Variants in ANO5 observed in about 807,000 individuals in gnomAD.
The protein encoded by ANO5 is anoctamin 5.
In ANO5, 109 loss-of-function variants were observed where a neutral mutation model predicts 121.0. That is an observed-to-expected ratio of 0.90 (90% confidence interval 0.77 to 1.06). ANO5 has a LOEUF of 1.06. ANO5 is among the 50% of genes least tolerant of loss of function. ANO5 has a pLI of 0.00. For synonymous variants in ANO5, 406 were observed against 359.9 expected (o/e 1.13, Z -1.45); for missense variants, 1,064 against 1,078.5 (o/e 0.99, Z 0.19).
chr11:22,248,193 G>A (rs994777257), intron 9 of ANO5, among the ~76,000 whole-genome samples: 1 of 152,008 alleles, frequency 6.6e-6, no homozygotes, highest in Non-Finnish European at 1.5e-5. Flanking sequence ...CAAAATGAGA[G>A]CAGTCCCCTC....
intron 7 of ANO5, among the ~76,000 whole-genome samples, chr11:22,231,347 T>C (rs1249315856): frequency 6.6e-6 from 1 of 151,922 alleles, no homozygotes; most frequent in Non-Finnish European, 1.5e-5. Context: ...CTTATTAAAT[T>C]TTTTAATTGT....
rs1259475353 is a variant in ANO5 at position 22,277,951 on chromosome 11, G to T, written c.2521-1593G>T. The T allele has an allele frequency of 3.3e-5, 5 of 150,556 alleles. 1 individual carries two copies. Among genetic ancestry groups the T allele is most frequent in the African/African-American group, 1.2e-4 (5 of 40,400 alleles). The allele number at this position is 150,556 out of a possible 1,614,324, so 9.3% of individuals were successfully genotyped here. A position where few individuals can be genotyped will look rare whatever the true frequency, so the allele number is the denominator to read the frequency against. ...AAAATTATGGGCAGTCCATTTTTGA[G>T]AAATTGAAGATTGAAAATTTCTTTT... On this transcript the variant is annotated intron_variant, in intron 21 of 21. Transcript: ENST00000324559.
At chr11:22,217,454 T>C (rs1852483914) in intron 3 of ANO5, among the ~76,000 whole-genome samples, 1 of 151,862 alleles carries the variant, frequency 6.6e-6, no homozygotes, top group East Asian at 1.9e-4. Flanking sequence ...AAAACCTGGG[T>C]AAACTTTCCA....
intron 9 of ANO5, among the ~76,000 whole-genome samples, chr11:22,240,198 G>A (rs1023410493): frequency 7.2e-5 from 11 of 151,970 alleles, no homozygotes; most frequent in African/African-American, 2.7e-4. Context: ...CTCTCAGTGA[G>A]CTGTGAAGAC....
At position 22,250,974 on chromosome 11, in the gene ANO5, G is replaced by A. The variant is rs763781068; in HGVS notation, c.1143G>A (p.Glu381=). The change falls in exon 12 of 22, where the codon GAG becomes GAA. Residue 381 remains glutamate, a synonymous_variant. Coordinates refer to ENST00000324559, the MANE Select transcript of ANO5 (RefSeq NM_213599.3). ...ASKFSHLFDN[E]STVFFAIFMG... is the part of the protein sequence containing the mutation. ...AGTTCTCCCATTTGTTTGATAATGA[G>A]TCAACAGTGTTCTTTGCAATATTCA... The A allele has an allele frequency of 6.2e-7, 1 of 1,612,450 alleles. No homozygotes were observed. The highest frequency in any genetic ancestry group is 8.5e-7 in the Non-Finnish European group (1 of 1,179,428).
intron 3 of ANO5, among the ~76,000 whole-genome samples, chr11:22,212,889 A>C (rs1427511524): frequency 6.6e-6 from 1 of 150,826 alleles, no homozygotes; most frequent in Non-Finnish European, 1.5e-5. Context: ...TTGCCTGTAC[A>C]GAAGTTGCAG....
Position 22,281,267 on chromosome 11 carries a change from TAATA to T in ANO5, c.*1506_*1509del, listed in dbSNP as rs1277746704. ...AAACTAATATTTCATTATCTAATGC[TAATA>T]AATTATTGTGGTACTGCCAGTATTA... On this transcript the variant is annotated 3_prime_UTR_variant, in exon 22 of 22. Coordinates refer to ENST00000324559, the MANE Select transcript of ANO5 (RefSeq NM_213599.3). 2.0e-5 allele frequency: 3 copies of T among 152,190 alleles called. No individual in the cohort carries two copies. Among genetic ancestry groups the T allele is most frequent in the African/African-American group, 7.2e-5 (3 of 41,566 alleles). The allele number at this position is 152,190 out of a possible 1,614,324, so 9.4% of individuals were successfully genotyped here.
intron 1 of ANO5, among the ~76,000 whole-genome samples, chr11:22,201,339 G>A (rs1419315140): frequency 6.6e-6 from 1 of 152,138 alleles, no homozygotes; most frequent in East Asian, 1.9e-4. Context: ...CGGATAAAAA[G>A]ATAGTAATTA....
intron 14 of ANO5, among the ~76,000 whole-genome samples, chr11:22,258,525 T>C (rs1854076888): frequency 6.6e-6 from 1 of 152,226 alleles, no homozygotes; most frequent in East Asian, 1.9e-4. Context: ...TAAAATTCTC[T>C]AATGATTGAT....
At chr11:22,212,192 C>G (rs904076416) in intron 3 of ANO5, among the ~76,000 whole-genome samples, 11 of 151,748 alleles carry the variant, frequency 7.2e-5, no homozygotes, top group Middle Eastern at 3.4e-3. Flanking sequence ...CTTCCTAAAC[C>G]CTTGGAAGGG....
chr11:22,207,051 G>C (rs1413185270), intron 2 of ANO5, among the ~76,000 whole-genome samples: 2 of 151,920 alleles, frequency 1.3e-5, no homozygotes, highest in East Asian at 3.9e-4. Context: ...TCCTAGAACT[G>C]AGTTTAAGAA....
At chr11:22,268,664 C>A (rs1311446500) in intron 17 of ANO5, among the ~76,000 whole-genome samples, 1 of 152,136 alleles carries the variant, frequency 6.6e-6, no homozygotes, top group Non-Finnish European at 1.5e-5. Flanking sequence ...TGTGATCATG[C>A]AAGTGCTTAT....
rs886042751 is a variant in ANO5, at chr11:22,263,005, G to A, written c.1860G>A (p.Gly620=). The A allele has an allele frequency of 1.2e-5, 20 of 1,613,562 alleles. No homozygotes were observed. Among genetic ancestry groups the A allele is most frequent in the Admixed American group, 1.0e-4 (6 of 60,000 alleles). ...CCCAATTGACCATTATAATGACCGG[G>A]AAACAGATTTTTGGAAACATTAAAG... is the stretch of plus-strand genomic sequence containing the variant. The part of the protein sequence containing the change: ...LTTQLTIIMT[G]KQIFGNIKEA... The change falls in exon 17 of 22, where the codon GGG becomes GGA. Residue 620 remains glycine, a synonymous_variant. Coordinates refer to ENST00000324559, the MANE Select transcript of ANO5 (RefSeq NM_213599.3).
At chr11:22,232,365 A>G (rs1046006147) in intron 7 of ANO5, among the ~76,000 whole-genome samples, 4 of 151,930 alleles carry the variant, frequency 2.6e-5, no homozygotes, top group South Asian at 2.1e-4. Flanking sequence ...TCTGTTTTCA[A>G]TTAGATCTTC....
rs1457250169 is a variant in ANO5 at position 22,282,801 on chromosome 11, G to T, written c.*3036G>T. The T allele has an allele frequency of 6.6e-6, 1 of 152,132 alleles. No homozygotes were observed. Among genetic ancestry groups the T allele is most frequent in the Admixed American group, 6.6e-5 (1 of 15,266 alleles). 9.4% of individuals were successfully genotyped at this position (152,132 alleles called of 1,614,324 possible). A position where few individuals can be genotyped will look rare whatever the true frequency, so the allele number is the denominator to read the frequency against. On this transcript the variant is annotated 3_prime_UTR_variant, in exon 22 of 22. Transcript: ENST00000324559. ...GTTGATTGACTCCAGTTGAAGGTGA[G>T]AAATCTGTACCAATCATTCAAAAAG...
chr11:22,199,574 A>G (rs1490338589), intron 1 of ANO5, among the ~76,000 whole-genome samples: 1 of 152,144 alleles, frequency 6.6e-6, no homozygotes, highest in Non-Finnish European at 1.5e-5. Context: ...TCTCATGCTT[A>G]GGAGTCTTCT....
At chr11:22,242,891 T>A (rs970229189) in intron 9 of ANO5, among the ~76,000 whole-genome samples, 5 of 151,836 alleles carry the variant, frequency 3.3e-5, no homozygotes, top group Non-Finnish European at 7.4e-5. Flanking sequence ...ATGCCTTTTA[T>A]TTTTTTTCTC....
At chr11:22,206,811 A>C (rs1402793032) in intron 2 of ANO5, among the ~76,000 whole-genome samples, 1 of 152,154 alleles carries the variant, frequency 6.6e-6, no homozygotes, top group Non-Finnish European at 1.5e-5. Context: ...TTACACTAAC[A>C]GTATATTTAA....
chr11:22,274,544 T>C (rs1349095817), intron 19 of ANO5, 25 bp from the exon 20 acceptor site: 1 of 1,550,362 alleles, frequency 6.5e-7, no homozygotes, highest in Non-Finnish European at 8.7e-7. Flanking sequence ...CTGATGATCT[T>C]CCTCTTTTTT....
Sources: allele counts gnomAD v4.1 joint callset (sites outside exome capture counted in the v4.1 genomes callset), GRCh38; gene constraint gnomAD v4.1.1; transcripts MANE v1.5; gene names NCBI Gene and HGNC (gene_info 2026-07-23, HGNC 2026-07-21).